CPB1: variants seen among roughly 807,000 people sequenced by gnomAD.
CPB1 encodes carboxypeptidase B.
CPB1 carries 53 observed loss-of-function variants against 51.4 expected under a neutral mutation model. The observed-to-expected ratio is 1.03, with a 90% CI of 0.83 to 1.30. CPB1 has a LOEUF of 1.30. CPB1 is among the 50% of genes most tolerant of loss of function. CPB1 has a pLI of 0.00. For synonymous variants in CPB1, 189 were observed against 186.9 expected (o/e 1.01, Z -0.09); for missense variants, 494 against 516.2 (o/e 0.96, Z 0.42).
chr3:148,848,449 C>G lies in CPB1; in HGVS notation c.981+2823C>G, dbSNP rs374657656. Reference sequence around the variant, plus strand: ...ATTTAAAGGAAACAATGAGGACTTACAGCGTTCTGCCAAGTCATTGGTGTA... The same window carrying G: ...ATTTAAAGGAAACAATGAGGACTTAGAGCGTTCTGCCAAGTCATTGGTGTA... On this transcript the variant is annotated intron_variant, in intron 9 of 10. Transcript: ENST00000282957. Among the ~76,000 whole-genome samples the G allele has an allele frequency of 7.9e-5, 12 of 152,090 alleles. No individual in the cohort carries two copies. In the East Asian group the frequency reaches 2.3e-3, roughly 29 times the overall value.
chr3:148,829,043 G>A (rs536444102), intron 2 of CPB1, among the ~76,000 whole-genome samples: 1 of 152,106 alleles, frequency 6.6e-6, no homozygotes, highest in Non-Finnish European at 1.5e-5. Context: ...CTACTTTTTG[G>A]AATAGCCCAC....
intron 9 of CPB1, among the ~76,000 whole-genome samples, chr3:148,846,797 G>GTATATATATATATATATA: frequency 2.0e-5 from 1 of 50,540 alleles, no homozygotes; most frequent in African/African-American, 5.6e-5. Context: ...GTGTGCGTGT[G>GTATATATATATATATATA]TATATATATA....
At position 148,856,643 on chromosome 3, in the gene CPB1, T is replaced by C. The variant is rs182784683; in HGVS notation, c.982-814T>C. On this transcript the variant is annotated intron_variant, in intron 9 of 10. Transcript: ENST00000282957. ...GAGCCAGGCCTTGCTTCTCAAGTGTTTTATTTAAATAGGCAGTATGTCAGT... is the reference window on the plus strand; with the variant it reads ...GAGCCAGGCCTTGCTTCTCAAGTGTCTTATTTAAATAGGCAGTATGTCAGT... 2.6e-5 allele frequency: 4 copies of C among 152,338 alleles called. No individual in the cohort carries two copies. The East Asian group carries it at 7.7e-4, about 29-fold the overall frequency. 9.4% of individuals were successfully genotyped at this position (152,338 alleles called of 1,614,324 possible).
chr3:148,856,257 GA>G (rs1189099439), intron 9 of CPB1: 1 of 152,188 alleles, frequency 6.6e-6, no homozygotes, highest in Non-Finnish European at 1.5e-5. Flanking sequence ...GACCAGAACA[GA>G]AAATAATGAG....
At chr3:148,852,783 T>C (rs1713468507) in intron 9 of CPB1, among the ~76,000 whole-genome samples, 1 of 152,220 alleles carries the variant, frequency 6.6e-6, no homozygotes, top group African/African-American at 2.4e-5. Flanking sequence ...ATCAGCCAAA[T>C]AAAAAGTTTG....
intron 9 of CPB1, chr3:148,851,394 A>G (rs1713428413): frequency 7.2e-6 from 1 of 139,726 alleles, no homozygotes; most frequent in African/African-American, 2.6e-5. Flanking sequence ...AAAGAAAGAA[A>G]GAAAAAGAGA....
intron 9 of CPB1, chr3:148,856,877 C>T (rs1412358066): frequency 6.6e-6 from 1 of 152,118 alleles, no homozygotes; most frequent in East Asian, 1.9e-4. Context: ...ACTTTTTAGT[C>T]TAAAAAATTT....
intron 6 of CPB1, among the ~76,000 whole-genome samples, chr3:148,843,898 G>A (rs1212528623): frequency 5.3e-5 from 8 of 152,150 alleles, no homozygotes; most frequent in Non-Finnish European, 1.0e-4. Context: ...TCACTATGCA[G>A]CTTGGAGTGT....
intron 2 of CPB1, 90 bp downstream of exon 2, chr3:148,828,167 T>A: frequency 9.7e-7 from 1 of 1,030,448 alleles, no homozygotes; most frequent in Non-Finnish European, 1.5e-6. Context: ...CATGAAATAT[T>A]AACTATAGCA....
chr3:148,852,869 A>G (rs1427223669), intron 9 of CPB1, among the ~76,000 whole-genome samples: 2 of 152,176 alleles, frequency 1.3e-5, no homozygotes, highest in Admixed American at 6.5e-5. Context: ...TCCTAAGCCA[A>G]ACTTTTTCCT....
chr3:148,841,984 C>A, intron 6 of CPB1, 60 bp downstream of exon 6: 1 of 1,225,972 alleles, frequency 8.2e-7, no homozygotes, highest in Non-Finnish European at 1.2e-6. Flanking sequence ...TCAATTAATT[C>A]CTTAAAACCT....
intron 2 of CPB1, 68 bp downstream of exon 2, chr3:148,828,145 T>C (rs185331973): frequency 7.7e-4 from 955 of 1,235,034 alleles, no homozygotes; most frequent in Non-Finnish European, 1.0e-3. Context: ...ATTCCGACAA[T>C]GGAAAAAAAA....
chr3:148,837,494 A>AAAAG (rs1253787952), intron 3 of CPB1, among the ~76,000 whole-genome samples: 58 of 152,018 alleles, frequency 3.8e-4, no homozygotes, highest in Admixed American at 1.7e-3. Flanking sequence ...AAAAAAAAAA[A>AAAAG]AAAGGAGAAG....
Position 148,840,722 on chromosome 3 carries a change from T to G in CPB1, c.309T>G (p.Ala103=). 1 of 1,614,154 alleles carries G rather than the reference T, an allele frequency of 6.2e-7. No individual in the cohort carries two copies. The highest frequency in any genetic ancestry group is 1.7e-5 in the Admixed American group (1 of 60,020). The change falls in exon 4 of 11, where the codon GCT becomes GCG. Residue 103 remains alanine (A), a synonymous_variant. Transcript: ENST00000282957. ...LISNLRNVVE[A]QFDSRVRATG... ...GCAACCTGAGAAATGTGGTGGAGGCTCAGTTTGATAGCCGGGTTCGTGCAA... is the reference window on the plus strand; with the variant it reads ...GCAACCTGAGAAATGTGGTGGAGGCGCAGTTTGATAGCCGGGTTCGTGCAA...
rs141266260 is a variant in CPB1, at chr3:148,832,904, C to G, written c.148-1594C>G. Among the ~76,000 whole-genome samples, 32 of 152,240 alleles carry G rather than the reference C, an allele frequency of 2.1e-4. No homozygotes were observed. In the East Asian group the frequency reaches 6.2e-3, roughly 29 times the overall value. On this transcript the variant is annotated intron_variant, in intron 2 of 10. Transcript: ENST00000282957. Reference sequence around the variant, plus strand: ...TGGTCAGCTACAGATACATGGAGGACTTTATGTGCTTTGCCAATTCTCAAC... The same window carrying G: ...TGGTCAGCTACAGATACATGGAGGAGTTTATGTGCTTTGCCAATTCTCAAC...
chr3:148,842,201 C>T (rs776208932), intron 6 of CPB1, among the ~76,000 whole-genome samples: 2 of 150,520 alleles, frequency 1.3e-5, no homozygotes, highest in Non-Finnish European at 3.0e-5. Context: ...GCCTGGGCAA[C>T]ACGGTGGAAC....
chr3:148,834,918 A>G (rs1264139438), intron 3 of CPB1, among the ~76,000 whole-genome samples: 1 of 152,206 alleles, frequency 6.6e-6, no homozygotes, highest in Non-Finnish European at 1.5e-5. Flanking sequence ...GGCCTAGCCA[A>G]TGGATACTCT....
At chr3:148,849,931 T>C (rs189919122) in intron 9 of CPB1, among the ~76,000 whole-genome samples, 72 of 152,348 alleles carry the variant, frequency 4.7e-4, no homozygotes, top group African/African-American at 1.6e-3. Context: ...CATATTTAAG[T>C]GGCCACATGC....
intron 3 of CPB1, among the ~76,000 whole-genome samples, chr3:148,840,389 C>T (rs1713038221): frequency 1.3e-5 from 2 of 152,144 alleles, no homozygotes; most frequent in African/African-American, 2.4e-5. Flanking sequence ...CCAGGAGCAA[C>T]CATTTTCCAA....
Sources: gnomAD v4.1 joint callset for allele counts (sites outside exome capture counted in the v4.1 genomes callset) on GRCh38, gnomAD v4.1.1 for gene constraint, MANE v1.5 for transcripts, NCBI Gene and HGNC (gene_info 2026-07-23, HGNC 2026-07-21) for gene names.